Variants in SELENOI observed in about 807,000 individuals in gnomAD.
SELENOI encodes the protein ethanolaminephosphotransferase 1.
A neutral mutation model predicts 50.7 loss-of-function variants in SELENOI; 24 were observed. The observed-to-expected ratio is 0.47, with a 90% CI of 0.34 to 0.67. SELENOI has a LOEUF of 0.67. SELENOI is among the 30% of genes least tolerant of loss of function. SELENOI has a pLI of 0.01. For missense variants in SELENOI, 352 were observed against 461.4 expected, an observed-to-expected ratio of 0.76 and a Z score of 2.17; for synonymous variants, 155 against 170.2, an observed-to-expected ratio of 0.91 and a Z score of 0.70.
rs1422401266 is a variant in SELENOI at position 26,394,507 on chromosome 2, A to G, written c.*5404A>G. On this transcript the variant is annotated 3_prime_UTR_variant, in exon 10 of 10. Coordinates refer to ENST00000260585, the MANE Select transcript of SELENOI (RefSeq NM_033505.4). This position sits in a 1 kb window ranked among gnomAD's most constrained non-coding sequence, Gnocchi z 4.1. ...TGCTCACAATATTAACTTTTTTTGTAGGTTATTTTGTTGTTTAGATAACTT... is the reference window on the plus strand; with the variant it reads ...TGCTCACAATATTAACTTTTTTTGTGGGTTATTTTGTTGTTTAGATAACTT... 1 of 152,182 alleles carries G rather than the reference A, an allele frequency of 6.6e-6. No individual in the cohort carries two copies. Among genetic ancestry groups the G allele is most frequent in the East Asian group, 1.9e-4 (1 of 5,194 alleles). 9.4% of individuals were successfully genotyped at this position (152,182 alleles called of 1,614,324 possible). A position where few individuals can be genotyped will look rare whatever the true frequency, so the allele number is the denominator to read the frequency against.
At chr2:26,351,060 T>G (rs1040127267) in intron 1 of SELENOI, among the ~76,000 whole-genome samples, 46 of 140,750 alleles carry the variant, frequency 3.3e-4, no homozygotes, top group South Asian at 6.9e-4. Flanking sequence ...TGTTTGTTTT[T>G]TTTTTTTTTT....
At chr2:26,354,134 G>C (rs990234898) in intron 1 of SELENOI, among the ~76,000 whole-genome samples, 3 of 152,100 alleles carry the variant, frequency 2.0e-5, no homozygotes, top group African/African-American at 7.2e-5. Flanking sequence ...ACTGCTTTAA[G>C]TGCTTTATGT....
Position 26,390,474 on chromosome 2 carries a change from CTA to C in SELENOI, c.*1373_*1374del, listed in dbSNP as rs1558424499. The stretch of plus-strand genomic sequence containing the variant: ...TGTTGATATGTAATTAAATTCATAA[CTA>C]TTTATGAATGTGACCATTGTTAAAT... On this transcript the variant is annotated 3_prime_UTR_variant, in exon 10 of 10. Transcript: ENST00000260585. 1 of 152,518 alleles carries C rather than the reference CTA, an allele frequency of 6.6e-6. No homozygotes were observed. Among genetic ancestry groups the C allele is most frequent in the African/African-American group, 2.4e-5 (1 of 41,396 alleles). The allele number at this position is 152,518 out of a possible 1,614,324, so 9.4% of individuals were successfully genotyped here.
rs1048703906 is a variant in SELENOI, at chr2:26,394,145, C to T, written c.*5042C>T. 4.6e-5 allele frequency: 7 copies of T among 152,176 alleles called. No individual in the cohort carries two copies. The highest frequency in any genetic ancestry group is 1.3e-4 in the Admixed American group (2 of 15,272). 9.4% of individuals were successfully genotyped at this position (152,176 alleles called of 1,614,324 possible). On this transcript the variant is annotated 3_prime_UTR_variant, in exon 10 of 10. Coordinates refer to ENST00000260585, the MANE Select transcript of SELENOI (RefSeq NM_033505.4). The surrounding 1 kb of genome is among the most constrained non-coding windows in gnomAD (Gnocchi z 4.1). ...GGGGCAGGTGCCTGTAATCCCAGCACTTTGGGAAGCCAAGGCAGGTGGATT... is the reference window on the plus strand; with the variant it reads ...GGGGCAGGTGCCTGTAATCCCAGCATTTTGGGAAGCCAAGGCAGGTGGATT...
chr2:26,392,820 A>C lies in SELENOI; in HGVS notation c.*3717A>C, dbSNP rs1451276650. 1.3e-5 allele frequency: 2 copies of C among 152,214 alleles called. No individual in the cohort carries two copies. Among genetic ancestry groups the C allele is most frequent in the Non-Finnish European group, 2.9e-5 (2 of 68,034 alleles). The allele number at this position is 152,214 out of a possible 1,614,324, so 9.4% of individuals were successfully genotyped here. ...CTCTATAGAAAATTTGTGAAGTCAG[A>C]CCAGAATTTTCTTTGTCCCATGAGG... On this transcript the variant is annotated 3_prime_UTR_variant, in exon 10 of 10. Transcript: ENST00000260585.
chr2:26,373,476 T>G lies in SELENOI; in HGVS notation c.420T>G (p.Val140=). ...SWSCVYFVVT[V]YSIFGRGSTG... Reference sequence around the variant, plus strand: ...CATGTGTTTACTTTGTTGTGACTGTTTATTCCATCTTTGGAAGAGGATCAA... The same window carrying G: ...CATGTGTTTACTTTGTTGTGACTGTGTATTCCATCTTTGGAAGAGGATCAA... The change falls in exon 5 of 10, where the codon GTT becomes GTG. Residue 140 remains valine (V), a synonymous_variant. Coordinates refer to ENST00000260585, the MANE Select transcript of SELENOI (RefSeq NM_033505.4). The G allele has an allele frequency of 6.2e-7, 1 of 1,614,012 alleles. No homozygotes were observed. The highest frequency in any genetic ancestry group is 1.6e-4 in the Middle Eastern group (1 of 6,062).
rs116484724 is a variant in SELENOI, at chr2:26,378,862, G to A, written c.682+3714G>A. The stretch of plus-strand genomic sequence containing the variant: ...TCCCAGATATCATTTCTTTTCATCC[G>A]TAAATATTTCACTGTGTATCTCTAA... On this transcript the variant is annotated intron_variant, in intron 6 of 9. Coordinates refer to ENST00000260585, the MANE Select transcript of SELENOI (RefSeq NM_033505.4). Among the ~76,000 whole-genome samples, 7 of 152,160 alleles carry A rather than the reference G, an allele frequency of 4.6e-5. No homozygotes were observed. In the South Asian group the frequency reaches 6.2e-4, roughly 14 times the overall value.
intron 1 of SELENOI, 187 bp downstream of exon 1, chr2:26,346,476 C>T (rs1451137336): frequency 2.4e-5 from 15 of 624,076 alleles, no homozygotes; most frequent in Non-Finnish European, 3.6e-5. Context: ...CCTAAGCCCG[C>T]CGCCCGTAGT....
chr2:26,371,916 C>T (rs1446905012), intron 4 of SELENOI, among the ~76,000 whole-genome samples: 1 of 151,328 alleles, frequency 6.6e-6, no homozygotes, highest in African/African-American at 2.4e-5. Flanking sequence ...AGAGGGAGCG[C>T]ATTCCCTCCT....
chr2:26,384,908 TAC>T, intron 7 of SELENOI, 49 bp from the exon 8 acceptor site: 1 of 1,363,232 alleles, frequency 7.3e-7, no homozygotes, highest in Non-Finnish European at 1.0e-6. Context: ...ACAAGTACTG[TAC>T]AATTTATATG....
chr2:26,349,800 G>T (rs1676914743), intron 1 of SELENOI, among the ~76,000 whole-genome samples: 1 of 145,888 alleles, frequency 6.9e-6, no homozygotes, highest in Non-Finnish European at 1.5e-5. Flanking sequence ...GAAATATCTT[G>T]TTTGGTTGGT....
At chr2:26,364,967 T>G in intron 3 of SELENOI, 27 bp downstream of exon 3, 1 of 1,462,674 alleles carries the variant, frequency 6.8e-7, no homozygotes, top group Non-Finnish European at 9.2e-7. Flanking sequence ...ATTATAAAAT[T>G]TAACTGAGTA....
At chr2:26,375,826 G>C (rs1677555896) in intron 6 of SELENOI, among the ~76,000 whole-genome samples, 1 of 152,066 alleles carries the variant, frequency 6.6e-6, no homozygotes, top group South Asian at 2.1e-4. Flanking sequence ...TAAAAAATAG[G>C]CCACACACAG....
chr2:26,379,132 C>T (rs1185582410), intron 6 of SELENOI, among the ~76,000 whole-genome samples: 3 of 152,166 alleles, frequency 2.0e-5, no homozygotes, highest in East Asian at 1.9e-4. Flanking sequence ...GGTGTGGTGG[C>T]GTATGCCTGT....
intron 1 of SELENOI, among the ~76,000 whole-genome samples, chr2:26,350,731 C>T (rs1676939134): frequency 6.6e-6 from 1 of 152,146 alleles, no homozygotes; most frequent in African/African-American, 2.4e-5. Flanking sequence ...GGAGAGGAGG[C>T]AGCTTCCAGG....
rs1035240455 is a variant in SELENOI at position 26,395,606 on chromosome 2, G to A, written c.*6503G>A. 1 of 152,624 alleles carries A rather than the reference G, an allele frequency of 6.6e-6. No homozygotes were observed. Among genetic ancestry groups the A allele is most frequent in the Non-Finnish European group, 1.5e-5 (1 of 68,040 alleles). 9.5% of individuals were successfully genotyped at this position (152,624 alleles called of 1,614,324 possible). ...TTACTTAGCTGGAATATTTTAAAGT[G>A]TCAGATAATGTGATGTACAAAGAGA... On this transcript the variant is annotated 3_prime_UTR_variant, in exon 10 of 10. Transcript: ENST00000260585.
At chr2:26,346,930 G>GTGTATGAAA (rs1676792741) in intron 1 of SELENOI, 1 of 152,168 alleles carries the variant, frequency 6.6e-6, no homozygotes, top group Non-Finnish European at 1.5e-5. Context: ...TTTTAACCCC[G>GTGTATGAAA]CTCAGCCTCT....
In SELENOI at chr2:26,373,468, G is replaced by A; in HGVS notation, c.412G>A (p.Val138Met). Residue 138 changes from valine (V) to methionine (M), a missense_variant, in exon 5 of 10, where the codon GTG (valine) becomes ATG (methionine). By Grantham distance (21) the Val-to-Met change is conservative (BLOSUM62 1). Coordinates refer to ENST00000260585, the MANE Select transcript of SELENOI (RefSeq NM_033505.4). ...TAGTTGGTCATGTGTTTACTTTGTT[G>A]TGACTGTTTATTCCATCTTTGGAAG... ...LDSWSCVYFVVTVYSIFGRGS... is the reference protein window; with the variant it reads ...LDSWSCVYFVMTVYSIFGRGS... The A allele has an allele frequency of 6.2e-7, 1 of 1,613,932 alleles. No individual in the cohort carries two copies. Among genetic ancestry groups the A allele is most frequent in the African/African-American group, 1.3e-5 (1 of 75,046 alleles).
At chr2:26,362,916 G>A (rs1675018189) in intron 1 of SELENOI, among the ~76,000 whole-genome samples, 4 of 152,226 alleles carry the variant, frequency 2.6e-5, no homozygotes, top group Admixed American at 2.6e-4. Context: ...TCTGTTACCA[G>A]TTTTGTATCT....
Sources: allele counts gnomAD v4.1 joint callset (sites outside exome capture counted in the v4.1 genomes callset), GRCh38; gene constraint gnomAD v4.1.1; non-coding constraint Gnocchi (gnomAD v3.1); transcripts MANE v1.5; gene names NCBI Gene and HGNC (gene_info 2026-07-23, HGNC 2026-07-21).